The following FZD3 variants were observed in gnomAD, a reference collection of about 807,000 sequenced individuals.
FZD3 encodes the protein frizzled-3.
A neutral mutation model predicts 60.7 loss-of-function variants in FZD3; 30 were observed. The observed-to-expected ratio is 0.49, with a 90% CI of 0.37 to 0.67. The LOEUF (loss-of-function observed/expected upper bound fraction) is 0.67, where lower values mean the gene tolerates loss of function less well. FZD3 is among the 30% of genes least tolerant of loss of function. The probability of loss-of-function intolerance (pLI) is 0.00; values close to 1 mark genes in which losing one functional copy is unlikely to be tolerated. For missense variants in FZD3, 605 were observed against 838.7 expected, an observed-to-expected ratio of 0.72 and a Z score of 3.44; for synonymous variants, 246 against 275.2, an observed-to-expected ratio of 0.89 and a Z score of 1.05.
chr8:28,543,917 C>T (rs352202), intron 5 of FZD3, among the ~76,000 whole-genome samples: 2,689 of 152,096 alleles, frequency 0.018, 97 homozygotes, highest in African/African-American at 0.061. Flanking sequence ...CCTTAATTTT[C>T]AGTGGGGGAG....
chr8:28,531,391 T>G (rs1206840062), intron 5 of FZD3, among the ~76,000 whole-genome samples: 2 of 152,164 alleles, frequency 1.3e-5, no homozygotes, highest in African/African-American at 4.8e-5. Flanking sequence ...ATACTGCAAT[T>G]TATTCACTCA....
chr8:28,549,688 A>G (rs1473514938), intron 5 of FZD3, among the ~76,000 whole-genome samples: 1 of 152,158 alleles, frequency 6.6e-6, no homozygotes, highest in Non-Finnish European at 1.5e-5. Flanking sequence ...TCCATTAAGC[A>G]TGATGTTTGC....
At chr8:28,528,819 T>C (rs1323404320) in intron 5 of FZD3, among the ~76,000 whole-genome samples, 1 of 152,192 alleles carries the variant, frequency 6.6e-6, no homozygotes, top group Non-Finnish European at 1.5e-5. Context: ...GATTTAGTCT[T>C]AGATAAATGT....
chr8:28,566,191 G>T lies in FZD3; in HGVS notation c.*3180G>T, dbSNP rs1324307939. On this transcript the variant is annotated 3_prime_UTR_variant, in exon 8 of 8. Transcript: ENST00000240093. ...AATTTGAAAGATCTATAACCTATGT[G>T]AAATGAAGTCTCTGCTTTACCAGAA... The T allele has an allele frequency of 2.6e-5, 4 of 152,128 alleles. No individual in the cohort carries two copies. The highest frequency in any genetic ancestry group is 5.9e-5 in the Non-Finnish European group (4 of 67,994). The allele number at this position is 152,128 out of a possible 1,614,324, so 9.4% of individuals were successfully genotyped here.
rs1200746211 is a variant in FZD3, at chr8:28,573,697, G to A, written c.*10686G>A. On this transcript the variant is annotated 3_prime_UTR_variant, in exon 8 of 8. Coordinates refer to ENST00000240093, the MANE Select transcript of FZD3 (RefSeq NM_017412.4). ...ACCTTTACATATGAATACTATCCAT[G>A]CTTGTTAAAAAAAAAAAAAGTCTTT... 1.3e-5 allele frequency: 2 copies of A among 148,172 alleles called. No homozygotes were observed. Among genetic ancestry groups the A allele is most frequent in the African/African-American group, 2.5e-5 (1 of 40,052 alleles). 9.2% of individuals were successfully genotyped at this position (148,172 alleles called of 1,614,324 possible). A position where few individuals can be genotyped will look rare whatever the true frequency, so the allele number is the denominator to read the frequency against.
At chr8:28,520,533 C>T in intron 3 of FZD3, 105 bp from the exon 4 acceptor site, 2 of 688,094 alleles carry the variant, frequency 2.9e-6, no homozygotes, top group East Asian at 2.9e-5. Context: ...TTTTAATAAC[C>T]CTCAGAATTT....
chr8:28,548,237 A>G (rs1021482051), intron 5 of FZD3, among the ~76,000 whole-genome samples: 3 of 152,070 alleles, frequency 2.0e-5, no homozygotes, highest in African/African-American at 7.2e-5. Flanking sequence ...TAAAGCTTTC[A>G]TCTACAACTT....
chr8:28,572,670 A>G lies in FZD3; in HGVS notation c.*9659A>G, dbSNP rs549575098. 1 of 152,140 alleles carries G rather than the reference A, an allele frequency of 6.6e-6. No homozygotes were observed. Among genetic ancestry groups the G allele is most frequent in the African/African-American group, 2.4e-5 (1 of 41,442 alleles). The allele number at this position is 152,140 out of a possible 1,614,324, so 9.4% of individuals were successfully genotyped here. The stretch of plus-strand genomic sequence containing the variant: ...CAAAATAATTTCCCCCTCACATCTA[A>G]TGTGGACTCAAATTTTGGCAACTGG... On this transcript the variant is annotated 3_prime_UTR_variant, in exon 8 of 8. Coordinates refer to ENST00000240093, the MANE Select transcript of FZD3 (RefSeq NM_017412.4).
chr8:28,495,239 AGAG>A (rs1237995754), intron 1 of FZD3, among the ~76,000 whole-genome samples: 3 of 152,168 alleles, frequency 2.0e-5, no homozygotes, highest in Admixed American at 6.5e-5. Flanking sequence ...GAATTGAGGC[AGAG>A]GAGTAGATTT....
intron 5 of FZD3, among the ~76,000 whole-genome samples, chr8:28,550,023 G>T (rs1805375100): frequency 6.6e-6 from 1 of 152,108 alleles, no homozygotes; most frequent in East Asian, 1.9e-4. Flanking sequence ...ACAATTTTAT[G>T]CTTGCTTTAT....
chr8:28,495,949 A>G (rs1354365525), intron 1 of FZD3, among the ~76,000 whole-genome samples: 3 of 151,598 alleles, frequency 2.0e-5, no homozygotes, highest in Non-Finnish European at 2.9e-5. Flanking sequence ...TCCCTCATCC[A>G]CTACTAAAAT....
intron 5 of FZD3, among the ~76,000 whole-genome samples, chr8:28,546,939 C>T (rs964093298): frequency 1.3e-5 from 2 of 150,518 alleles, no homozygotes; most frequent in Non-Finnish European, 2.9e-5. Context: ...CACTGCACTC[C>T]AGCCTGGGCG....
chr8:28,526,860 C>A (rs1284299677), intron 4 of FZD3, among the ~76,000 whole-genome samples: 1 of 152,140 alleles, frequency 6.6e-6, no homozygotes. Context: ...GAATTCATGA[C>A]AACGGTCTCC....
At chr8:28,559,322 GGAA>G (rs2130472398) in intron 7 of FZD3, among the ~76,000 whole-genome samples, 2 of 152,196 alleles carry the variant, frequency 1.3e-5, no homozygotes, top group African/African-American at 4.8e-5. Context: ...TAATAATACA[GGAA>G]GAAGAACAGT....
At chr8:28,532,107 A>G (rs973756039) in intron 5 of FZD3, among the ~76,000 whole-genome samples, 5 of 152,206 alleles carry the variant, frequency 3.3e-5, no homozygotes, top group African/African-American at 1.2e-4. Flanking sequence ...ATCTATTTCA[A>G]TTGTAATGCA....
At chr8:28,533,577 G>GT (rs773063828) in intron 5 of FZD3, among the ~76,000 whole-genome samples, 1 of 150,628 alleles carries the variant, frequency 6.6e-6, no homozygotes, top group East Asian at 2.0e-4. Context: ...GTAACTTTAT[G>GT]TTTGTTTTGT....
chr8:28,515,683 G>T (rs1276684147), intron 3 of FZD3, among the ~76,000 whole-genome samples: 1 of 152,154 alleles, frequency 6.6e-6, no homozygotes, highest in African/African-American at 2.4e-5. Flanking sequence ...TTGCCTCTTA[G>T]CATGTTTGAG....
At chr8:28,551,390 T>G (rs969090305) in intron 5 of FZD3, among the ~76,000 whole-genome samples, 1 of 152,090 alleles carries the variant, frequency 6.6e-6, no homozygotes, top group African/African-American at 2.4e-5. Flanking sequence ...GGCATATACC[T>G]GTAATCCTAG....
chr8:28,526,207 TCA>T (rs1485590558), intron 4 of FZD3, among the ~76,000 whole-genome samples: 1 of 121,370 alleles, frequency 8.2e-6, no homozygotes, highest in Non-Finnish European at 1.8e-5. Context: ...ACACACACAC[TCA>T]CACACACATT....
Sources: allele counts gnomAD v4.1 joint callset (sites outside exome capture counted in the v4.1 genomes callset), GRCh38; gene constraint gnomAD v4.1.1; transcripts MANE v1.5; gene names NCBI Gene and HGNC (gene_info 2026-07-23, HGNC 2026-07-21).